Variants in PTMA observed in about 807,000 individuals in gnomAD.
PTMA encodes prothymosin alpha.
A neutral mutation model predicts 16.9 loss-of-function variants in PTMA; 4 were observed. The ratio of observed to expected loss-of-function variants is 0.24; its 90% CI spans 0.12 to 0.54. The LOEUF (loss-of-function observed/expected upper bound fraction) is 0.54, where lower values mean the gene tolerates loss of function less well. PTMA is among the 20% of genes least tolerant of loss of function. The probability of loss-of-function intolerance (pLI) is 0.95; values close to 1 mark genes in which losing one functional copy is unlikely to be tolerated. For missense variants in PTMA, 120 were observed against 137.7 expected (o/e 0.87, Z 0.64); for synonymous variants, 58 against 47.9 (o/e 1.21, Z -0.87).
In PTMA at chr2:231,708,729, C is replaced by A. The variant is rs2048472711; in HGVS notation, c.23C>A (p.Thr8Asn). MSDAAVD[T>N]SSEITTKDLK... ...ACCATGTCAGACGCAGCCGTAGACA[C>A]CAGCTCCGAAATCACCACCAAGGTG... is the stretch of plus-strand genomic sequence containing the variant. The change falls in exon 1 of 5, where the codon ACC (threonine) becomes AAC (asparagine). Residue 8 changes from threonine (T) to asparagine (N), a missense_variant. Coordinates refer to ENST00000409115, the MANE Select transcript of PTMA (RefSeq NM_002823.5). 3.1e-6 allele frequency: 5 copies of A among 1,603,636 alleles called. No individual in the cohort carries two copies. Among genetic ancestry groups the A allele is most frequent in the East Asian group, 2.2e-5 (1 of 44,866 alleles).
intron 1 of PTMA, among the ~76,000 whole-genome samples, chr2:231,709,321 G>A (rs2048485346): frequency 6.6e-6 from 1 of 152,104 alleles, no homozygotes; most frequent in African/African-American, 2.4e-5. Context: ...GGCTGGCCGC[G>A]ACGTCGGCCG....
chr2:231,710,237 C>T lies in PTMA; in HGVS notation c.46-1111C>T, dbSNP rs540661575. The T allele has an allele frequency of 7.8e-5, 105 of 1,338,234 alleles. No homozygotes were observed. In the African/African-American group the frequency reaches 1.3e-3, roughly 17 times the overall value. The allele number at this position is 1,338,234 out of a possible 1,614,324, so 82.9% of individuals were successfully genotyped here. A position where few individuals can be genotyped will look rare whatever the true frequency, so the allele number is the denominator to read the frequency against. ...GTGGGGCGTCGAGTCGAGAGCCCGG[C>T]CGACCGACGCGCGACCCGCGCGCGT... On this transcript the variant is annotated intron_variant, in intron 1 of 4. Coordinates refer to ENST00000409115, the MANE Select transcript of PTMA (RefSeq NM_002823.5).
intron 1 of PTMA, 79 bp downstream of exon 1, chr2:231,708,830 G>A (rs2048474452): frequency 4.6e-6 from 7 of 1,506,484 alleles, no homozygotes; most frequent in Non-Finnish European, 6.3e-6. Context: ...CAGCTGGACT[G>A]TCTCAAGCCC....
chr2:231,709,999 T>G, intron 1 of PTMA: 3 of 1,086,848 alleles, frequency 2.8e-6, no homozygotes, highest in African/African-American at 1.6e-5. Flanking sequence ...GGAATGAGTT[T>G]GTGGGGTGAG....
chr2:231,712,929 T>C lies in PTMA; in HGVS notation c.*78T>C. The C allele has an allele frequency of 1.4e-6, 2 of 1,464,602 alleles. No individual in the cohort carries two copies. The highest frequency in any genetic ancestry group is 1.8e-6 in the Non-Finnish European group (2 of 1,086,248). 90.7% of individuals were successfully genotyped at this position (1,464,602 alleles called of 1,614,324 possible). On this transcript the variant is annotated 3_prime_UTR_variant, in exon 5 of 5. Transcript: ENST00000409115. ...TCACCCTCCACTTCCCGTCTCAGAATCTAAACGTGGTCACCTTCGAGTAGA... is the reference window on the plus strand; with the variant it reads ...TCACCCTCCACTTCCCGTCTCAGAACCTAAACGTGGTCACCTTCGAGTAGA...
At position 231,711,435 on chromosome 2, in the gene PTMA, G is replaced by C; in HGVS notation, c.117+16G>C. The stretch of plus-strand genomic sequence containing the variant: ...CGGGAATGCTGTGAGTGTCTGCTTT[G>C]CTCCTGAGCCCTGGCAGCTACCGCC... On this transcript the variant is annotated intron_variant, in intron 2 of 4. Coordinates refer to ENST00000409115, the MANE Select transcript of PTMA (RefSeq NM_002823.5). The C allele has an allele frequency of 6.2e-7, 1 of 1,613,580 alleles. No individual in the cohort carries two copies. The highest frequency in any genetic ancestry group is 8.5e-7 in the Non-Finnish European group (1 of 1,179,478).
intron 4 of PTMA, 91 bp downstream of exon 4, chr2:231,712,607 T>G (rs930627349): frequency 1.4e-6 from 2 of 1,451,218 alleles, no homozygotes; most frequent in Non-Finnish European, 1.9e-6. Flanking sequence ...AGGGACTGTT[T>G]CTGACTTTGT....
intron 1 of PTMA, 191 bp from the exon 2 acceptor site, chr2:231,711,157 G>GC (rs2048513445): frequency 7.7e-6 from 4 of 520,694 alleles, no homozygotes; most frequent in South Asian, 2.5e-5. Context: ...GATCACAGAT[G>GC]CCCCCCGCCG....
rs200661866 is a variant in PTMA, at chr2:231,711,422, G to A, written c.117+3G>A. ...ACGCCCCTGCTAACGGGAATGCTGT[G>A]AGTGTCTGCTTTGCTCCTGAGCCCT... On this transcript the variant is annotated splice_donor_region_variant and intron_variant, in intron 2 of 4. Coordinates refer to ENST00000409115, the MANE Select transcript of PTMA (RefSeq NM_002823.5). 50 of 1,614,052 alleles carry A rather than the reference G, an allele frequency of 3.1e-5. No homozygotes were observed. In the East Asian group the frequency reaches 1.0e-3, roughly 34 times the overall value.
intron 4 of PTMA, 92 bp downstream of exon 4, chr2:231,712,608 CTGACTTTGTAGGTGGCCACTGT>C: frequency 6.9e-7 from 1 of 1,451,930 alleles, no homozygotes; most frequent in Non-Finnish European, 9.6e-7. Context: ...GGGACTGTTT[CTGACTTTGTAGGTGGCCACTGT>C]GTGGTCCTGA....
At chr2:231,709,419 G>A (rs1207427319) in intron 1 of PTMA, among the ~76,000 whole-genome samples, 1 of 152,174 alleles carries the variant, frequency 6.6e-6, no homozygotes, top group Non-Finnish European at 1.5e-5. Context: ...GCCGGGAGCG[G>A]CCGCCCAGCT....
intron 1 of PTMA, chr2:231,710,361 G>C (rs1057004234): frequency 8.3e-7 from 1 of 1,203,156 alleles, no homozygotes; most frequent in African/African-American, 1.6e-5. Context: ...GCGTGCCGAG[G>C]CCCGCGCGCA....
At chr2:231,710,018 C>T (rs2048495793) in intron 1 of PTMA, 17 of 1,162,730 alleles carry the variant, frequency 1.5e-5, no homozygotes, top group South Asian at 4.4e-5. Context: ...AGAACACCGT[C>T]CCCAGTGCGG....
Position 231,711,992 on chromosome 2 carries a change from C to G in PTMA, c.211+9C>G. On this transcript the variant is annotated intron_variant, in intron 3 of 4. Transcript: ENST00000409115. ...GGAAGAAGAAGGTGATGGTGAGTAG[C>G]CTTGTCTATCTTCCCCTTTTCAGGT... The G allele has an allele frequency of 1.3e-6, 2 of 1,559,754 alleles. No individual in the cohort carries two copies. The highest frequency in any genetic ancestry group is 8.7e-7 in the Non-Finnish European group (1 of 1,151,442).
chr2:231,712,768 G>C, intron 4 of PTMA, 36 bp from the exon 5 acceptor site: 1 of 1,577,736 alleles, frequency 6.3e-7, no homozygotes, highest in Non-Finnish European at 8.6e-7. Flanking sequence ...GGGCTCCTGG[G>C]GTTGGAGGGG....
intron 1 of PTMA, among the ~76,000 whole-genome samples, chr2:231,709,533 G>GC (rs959192507): frequency 6.6e-6 from 1 of 152,128 alleles, no homozygotes; most frequent in Non-Finnish European, 1.5e-5. Flanking sequence ...GACGATGGGC[G>GC]CCCCCCGCGG....
chr2:231,708,838 C>A (rs2048474627), intron 1 of PTMA, 87 bp downstream of exon 1: 2 of 1,462,196 alleles, frequency 1.4e-6, no homozygotes, highest in South Asian at 1.2e-5. Context: ...CTGTCTCAAG[C>A]CCGCTGTTGC....
Position 231,711,378 on chromosome 2 carries a change from G to A in PTMA, c.76G>A (p.Glu26Lys), listed in dbSNP as rs1455404707. 6.2e-7 allele frequency: 1 copy of A among 1,614,174 alleles called. No homozygotes were observed. Among genetic ancestry groups the A allele is most frequent in the Non-Finnish European group, 8.5e-7 (1 of 1,179,988 alleles). Residue 26 changes from glutamate (E) to lysine (K), a missense_variant, in exon 2 of 5, where the codon GAG becomes AAG. Transcript: ENST00000409115. ...DLKEKKEVVE[E>K]AENGRDAPAN... ...AAAGGAGAAGAAGGAAGTTGTGGAA[G>A]AGGCAGAAAATGGAAGAGACGCCCC...
rs1299613322 is a variant in PTMA, at chr2:231,710,478, C to A, written c.46-870C>A. 10 of 1,066,852 alleles carry A rather than the reference C, an allele frequency of 9.4e-6. No homozygotes were observed. In the South Asian group the frequency reaches 1.6e-4, roughly 18 times the overall value. 66.1% of individuals were successfully genotyped at this position (1,066,852 alleles called of 1,614,324 possible). On this transcript the variant is annotated intron_variant, in intron 1 of 4. Coordinates refer to ENST00000409115, the MANE Select transcript of PTMA (RefSeq NM_002823.5). ...GGCGAGAGCGGGCGGAGCCGGGGTC[C>A]GCGGAGCGGAGCGGGGCGGGCCGGA...
Sources: gnomAD v4.1 joint callset for allele counts (sites outside exome capture counted in the v4.1 genomes callset) on GRCh38, gnomAD v4.1.1 for gene constraint, MANE v1.5 for transcripts, NCBI Gene and HGNC (gene_info 2026-07-23, HGNC 2026-07-21) for gene names.